The following TPM4 variants were observed in gnomAD, a reference collection of about 807,000 sequenced individuals.
The protein encoded by TPM4 is tropomyosin 4.
Under a neutral mutation model 35.8 loss-of-function variants are expected in TPM4, and 17 were observed. The observed-to-expected ratio is 0.47, with a 90% CI of 0.32 to 0.71. The LOEUF (loss-of-function observed/expected upper bound fraction) is 0.71. Ranked by LOEUF, TPM4 falls within the 30% of genes least tolerant of loss-of-function variation. The probability of loss-of-function intolerance (pLI) is 0.03; values close to 1 mark genes in which losing one functional copy is unlikely to be tolerated. For missense variants in TPM4, 240 were observed against 320.9 expected (o/e 0.75, Z 1.93); for synonymous variants, 120 against 122.9 (o/e 0.98, Z 0.15).
At position 16,067,545 on chromosome 19, in the gene TPM4, C is replaced by A; in HGVS notation, c.-80C>A. Reference sequence around the variant, plus strand: ...CTCCACCCTGCCAGGCTCACTCTGCCCCACAGCCACAGCCCCTGACTGCCG... The same window carrying A: ...CTCCACCCTGCCAGGCTCACTCTGCACCACAGCCACAGCCCCTGACTGCCG... On this transcript the variant is annotated 5_prime_UTR_variant, in exon 2 of 3. Coordinates refer to the TPM4 transcript ENST00000589897. This position sits in a 1 kb window ranked among gnomAD's most constrained non-coding sequence, Gnocchi z 4.1. The A allele has an allele frequency of 7.4e-7, 1 of 1,342,480 alleles. No individual in the cohort carries two copies. The highest frequency in any genetic ancestry group is 1.0e-6 in the Non-Finnish European group (1 of 965,654). The allele number at this position is 1,342,480 out of a possible 1,614,324, so 83.2% of individuals were successfully genotyped here.
At chr19:16,086,068 CAAA>C (rs562934017) in intron 2 of TPM4, among the ~76,000 whole-genome samples, 3 of 79,128 alleles carry the variant, frequency 3.8e-5, no homozygotes, top group Non-Finnish European at 4.9e-5. Flanking sequence ...GACTCCATCT[CAAA>C]AAAAAAAAAA....
At chr19:16,094,634 T>C (rs2144957309) in intron 7 of TPM4, among the ~76,000 whole-genome samples, 1 of 151,498 alleles carries the variant, frequency 6.6e-6, no homozygotes, top group Non-Finnish European at 1.5e-5. Context: ...AGAAGCTCTG[T>C]CCCAGGGAGC....
At chr19:16,095,635 C>A in intron 7 of TPM4, 11 of 997,776 alleles carry the variant, frequency 1.1e-5, no homozygotes, top group Non-Finnish European at 1.1e-5. Flanking sequence ...AAGCTTATTA[C>A]AAAAAGAAAA....
intron 2 of TPM4, among the ~76,000 whole-genome samples, chr19:16,068,399 C>T (rs2090319748): frequency 6.6e-6 from 1 of 152,214 alleles, no homozygotes; most frequent in Non-Finnish European, 1.5e-5. Flanking sequence ...TGGTCTCAAA[C>T]TCCTGACCTC....
chr19:16,076,982 C>T (rs1180317268), intron 1 of TPM4: 1 of 447,398 alleles, frequency 2.2e-6, no homozygotes, highest in Non-Finnish European at 3.3e-6. Flanking sequence ...GGTGAGCGAT[C>T]TCCGGGTGGA....
chr19:16,097,291 T>TC (rs2090712979), intron 7 of TPM4, among the ~76,000 whole-genome samples: 1 of 151,140 alleles, frequency 6.6e-6, no homozygotes, highest in Non-Finnish European at 1.5e-5. Flanking sequence ...TCTTTCTTTT[T>TC]GAGACGGAGT....
intron 7 of TPM4, 54 bp downstream of exon 7, chr19:16,093,807 C>T: frequency 6.3e-7 from 1 of 1,592,810 alleles, no homozygotes. Context: ...CTCTGGGACA[C>T]ATCCACGGAC....
At chr19:16,101,231 T>C (rs376521751) in intron 7 of TPM4, 33 bp from the exon 8 acceptor site, 16 of 1,496,850 alleles carry the variant, frequency 1.1e-5, no homozygotes, top group African/African-American at 2.9e-5. Flanking sequence ...CGCTTATTAA[T>C]TTATCTTTCC....
intron 4 of TPM4, chr19:16,088,429 G>T: frequency 1.6e-5 from 18 of 1,154,838 alleles, no homozygotes; most frequent in Non-Finnish European, 1.8e-5. Context: ...ACACTGACCT[G>T]CTCCAGAAGG....
At chr19:16,084,036 C>T (rs553153000) in intron 2 of TPM4, among the ~76,000 whole-genome samples, 5 of 152,128 alleles carry the variant, frequency 3.3e-5, no homozygotes, top group Non-Finnish European at 5.9e-5. Flanking sequence ...ACGACATTCT[C>T]CTGCCTCAGC....
chr19:16,068,814 A>G (rs968422299), intron 2 of TPM4, among the ~76,000 whole-genome samples: 1 of 151,884 alleles, frequency 6.6e-6, no homozygotes, highest in South Asian at 2.1e-4. Context: ...CATGTGTTGT[A>G]TGTGTCTGTT....
At position 16,084,412 on chromosome 19, in the gene TPM4, G is replaced by A. The variant is rs368693417; in HGVS notation, c.267-2011G>A. 1.2e-4 allele frequency among the ~76,000 whole-genome samples: 19 copies of A among 152,300 alleles called. No homozygotes were observed. The East Asian group carries it at 1.4e-3, about 11-fold the overall frequency. Reference sequence around the variant, plus strand: ...AGAGAGTGGCAGCTCCGGCAGCCACGGGGCAGTGGAAGGACCCAGTCACGA... The same window carrying A: ...AGAGAGTGGCAGCTCCGGCAGCCACAGGGCAGTGGAAGGACCCAGTCACGA... On this transcript the variant is annotated intron_variant, in intron 2 of 7. Transcript: ENST00000643579.
upstream of TPM4, among the ~76,000 whole-genome samples, chr19:16,071,788 CAA>C (rs1320593288): frequency 2.0e-5 from 3 of 152,178 alleles, no homozygotes; most frequent in Non-Finnish European, 2.9e-5. Flanking sequence ...GGGAAAAGGA[CAA>C]AGAGGCCCAG....
At chr19:16,093,272 T>G in intron 5 of TPM4, 2 of 450,054 alleles carry the variant, frequency 4.4e-6, no homozygotes, top group Non-Finnish European at 8.2e-6. Context: ...CTCGGCTCAC[T>G]GCAACCTCCA....
chr19:16,080,071 G>A (rs1053854412), intron 1 of TPM4: 6 of 189,614 alleles, frequency 3.2e-5, no homozygotes, highest in African/African-American at 9.3e-5. Context: ...AAAAGCTAGC[G>A]TGGCTTCCCT....
intron 5 of TPM4, among the ~76,000 whole-genome samples, chr19:16,089,861 T>TC (rs1344928252): frequency 6.6e-6 from 1 of 151,784 alleles, no homozygotes; most frequent in African/African-American, 2.4e-5. Flanking sequence ...CCTTTTTTTT[T>TC]CTTTTCTTTT....
At chr19:16,087,103 C>T (rs2090565433) in intron 3 of TPM4, among the ~76,000 whole-genome samples, 1 of 152,034 alleles carries the variant, frequency 6.6e-6, no homozygotes, top group African/African-American at 2.4e-5. Context: ...CATAGTGAGA[C>T]CCCATTTCTA....
intron 7 of TPM4, 49 bp downstream of exon 7, chr19:16,093,802 G>A (rs748931848): frequency 1.2e-6 from 2 of 1,604,172 alleles, no homozygotes; most frequent in Non-Finnish European, 1.7e-6. Context: ...TTCCCCTCTG[G>A]GACACATCCA....
At chr19:16,081,368 C>T (rs2090480209) in intron 1 of TPM4, 3 of 279,658 alleles carry the variant, frequency 1.1e-5, no homozygotes, top group Non-Finnish European at 1.3e-5. Flanking sequence ...TATGTTGACT[C>T]AACTACCCAT....
Sources: allele counts gnomAD v4.1 joint callset (sites outside exome capture counted in the v4.1 genomes callset), GRCh38; gene constraint gnomAD v4.1.1; non-coding constraint Gnocchi (gnomAD v3.1); transcripts MANE v1.5; gene names NCBI Gene and HGNC (gene_info 2026-07-23, HGNC 2026-07-21).